ASAP1: variants seen among roughly 807,000 people sequenced by gnomAD.
The protein encoded by ASAP1 is arf-GAP with SH3 domain, ANK repeat and PH domain-containing protein 1.
ASAP1 carries 43 observed loss-of-function variants against 145.2 expected under a neutral mutation model. That is an observed-to-expected ratio of 0.30 (90% CI 0.23 to 0.38). ASAP1 has a LOEUF of 0.38. Ranked by LOEUF, ASAP1 falls within the 10% of genes least tolerant of loss-of-function variation. The probability of loss-of-function intolerance (pLI) is 1.00; values close to 1 mark genes in which losing one functional copy is unlikely to be tolerated. For missense variants in ASAP1, 1,018 were observed against 1,355.3 expected (o/e 0.75, Z 3.91); for synonymous variants, 546 against 515.5 (o/e 1.06, Z -0.80).
chr8:130,403,856 T>A (rs1348831813), intron 1 of ASAP1, among the ~76,000 whole-genome samples: 1 of 152,110 alleles, frequency 6.6e-6, no homozygotes. Flanking sequence ...GCCCGGCCCA[T>A]TGGACATTTT....
chr8:130,399,397 G>A (rs10956521), intron 2 of ASAP1, among the ~76,000 whole-genome samples: 54,051 of 151,902 alleles, frequency 0.36, 10,286 homozygotes, highest in African/African-American at 0.47. Flanking sequence ...AATATCACCT[G>A]AAAAGATACC....
intron 11 of ASAP1, 110 bp from the exon 12 acceptor site, chr8:130,160,074 G>T: frequency 1.1e-6 from 1 of 883,082 alleles, no homozygotes; most frequent in South Asian, 1.4e-5. Context: ...GGGAATTATG[G>T]AACTTTAAGA....
intron 15 of ASAP1, among the ~76,000 whole-genome samples, chr8:130,132,824 C>CA (rs76566901): frequency 0.099 from 15,009 of 152,124 alleles, 933 homozygotes; most frequent in South Asian, 0.28. Flanking sequence ...CCTTCTCTCT[C>CA]AGTTTTCTTT....
chr8:130,279,926 G>T (rs987701681), intron 3 of ASAP1, among the ~76,000 whole-genome samples: 1 of 152,114 alleles, frequency 6.6e-6, no homozygotes, highest in Non-Finnish European at 1.5e-5. Flanking sequence ...GAGGAGATGG[G>T]AACTAACTTT....
chr8:130,072,825 G>GTGTGTGCGCGCGCGCGCA, intron 27 of ASAP1, among the ~76,000 whole-genome samples: 1 of 54,116 alleles, frequency 1.8e-5, no homozygotes, highest in African/African-American at 9.1e-5. Flanking sequence ...GTGTGTGTGT[G>GTGTGTGCGCGCGCGCGCA]CGCGCGGGGG....
At chr8:130,211,992 T>C (rs1333153546) in intron 5 of ASAP1, among the ~76,000 whole-genome samples, 1 of 152,196 alleles carries the variant, frequency 6.6e-6, no homozygotes, top group African/African-American at 2.4e-5. Flanking sequence ...CTGCAGGTGC[T>C]GCACGAAGAT....
rs1329786276 is a variant in ASAP1, at chr8:130,283,585, AAG to A, written c.187-46593_187-46592del. 9.3e-3 allele frequency among the ~76,000 whole-genome samples: 59 copies of A among 6,378 alleles called. 12 individuals carry two copies. Among genetic ancestry groups the A allele is most frequent in the African/African-American group, 0.033 (54 of 1,624 alleles). 4.2% of individuals were successfully genotyped at this position (6,378 alleles called of 152,430 possible). On this transcript the variant is annotated intron_variant, in intron 3 of 29. Coordinates refer to ENST00000518721, the MANE Select transcript of ASAP1 (RefSeq NM_018482.4). ...TGACAGAACAAGACTCCATCACAGA[AAG>A]AAAAAAAAAAAAAAAAAAAAAAAAA...
At chr8:130,087,349 G>A (rs111515982) in intron 25 of ASAP1, among the ~76,000 whole-genome samples, 8,115 of 152,158 alleles carry the variant, frequency 0.053, 283 homozygotes, top group Middle Eastern at 0.078. Flanking sequence ...GTGAAACCCC[G>A]TCTCTATTAA....
intron 26 of ASAP1, among the ~76,000 whole-genome samples, chr8:130,078,022 C>T (rs929010734): frequency 2.0e-5 from 3 of 148,850 alleles, no homozygotes; most frequent in Non-Finnish European, 3.0e-5. Context: ...GACGAAGTCT[C>T]GCTGTCACCT....
intron 3 of ASAP1, among the ~76,000 whole-genome samples, chr8:130,296,751 AATT>A (rs1822304629): frequency 6.6e-6 from 1 of 151,146 alleles, no homozygotes; most frequent in African/African-American, 2.4e-5. Context: ...CCGACTACAG[AATT>A]AGTTTAAAAG....
chr8:130,221,158 TG>T (rs1303786226), intron 4 of ASAP1, among the ~76,000 whole-genome samples: 3 of 151,866 alleles, frequency 2.0e-5, no homozygotes, highest in Admixed American at 1.3e-4. Context: ...TGCTGGAGCC[TG>T]GGAAGTTGAG....
intron 1 of ASAP1, among the ~76,000 whole-genome samples, chr8:130,438,310 C>G (rs978114560): frequency 2.6e-5 from 4 of 152,176 alleles, no homozygotes; most frequent in Admixed American, 6.5e-5. Context: ...ACCAGTGCGC[C>G]AGGCCCTCCA....
intron 3 of ASAP1, among the ~76,000 whole-genome samples, chr8:130,342,648 G>A (rs1265952965): frequency 1.3e-5 from 2 of 152,144 alleles, no homozygotes; most frequent in Admixed American, 6.5e-5. Context: ...AACACAAAAC[G>A]TAACAAACTC....
chr8:130,121,686 C>T (rs970139245), intron 18 of ASAP1, among the ~76,000 whole-genome samples: 12 of 141,376 alleles, frequency 8.5e-5, no homozygotes. Flanking sequence ...CGGGAGGCTG[C>T]GACAGGAGAA....
At chr8:130,313,043 G>C (rs971892323) in intron 3 of ASAP1, among the ~76,000 whole-genome samples, 1 of 152,182 alleles carries the variant, frequency 6.6e-6, no homozygotes, top group Admixed American at 6.5e-5. Flanking sequence ...AAGAACACAA[G>C]TGAACTGTTG....
intron 2 of ASAP1, among the ~76,000 whole-genome samples, chr8:130,360,527 A>G (rs1163933624): frequency 1.3e-5 from 2 of 152,254 alleles, no homozygotes; most frequent in East Asian, 3.8e-4. Context: ...AATGTCCTCT[A>G]AGAGGCCATG....
intron 4 of ASAP1, among the ~76,000 whole-genome samples, chr8:130,219,395 G>A (rs566388639): frequency 6.6e-6 from 1 of 152,274 alleles, no homozygotes; most frequent in East Asian, 1.9e-4. Flanking sequence ...CAGAAGGGAG[G>A]AACACACTGC....
At chr8:130,412,019 G>T (rs1445877487) in intron 1 of ASAP1, among the ~76,000 whole-genome samples, 1 of 152,128 alleles carries the variant, frequency 6.6e-6, no homozygotes, top group Non-Finnish European at 1.5e-5. Context: ...TGCTCACCAG[G>T]TACCACGCAG....
chr8:130,394,319 T>C (rs1828422851), intron 2 of ASAP1, among the ~76,000 whole-genome samples: 1 of 152,112 alleles, frequency 6.6e-6, no homozygotes, highest in African/African-American at 2.4e-5. Context: ...ATGGCCCCCT[T>C]GGGTGTGGCC....
Sources: allele counts gnomAD v4.1 joint callset (sites outside exome capture counted in the v4.1 genomes callset), GRCh38; gene constraint gnomAD v4.1.1; transcripts MANE v1.5; gene names NCBI Gene and HGNC (gene_info 2026-07-23, HGNC 2026-07-21).